The following ANKRD44 variants were observed in gnomAD, a reference collection of about 807,000 sequenced individuals.
ANKRD44 encodes serine/threonine-protein phosphatase 6 regulatory ankyrin repeat subunit B.
Under a neutral mutation model 116.0 loss-of-function variants are expected in ANKRD44, and 35 were observed. The ratio of observed to expected loss-of-function variants is 0.30; its 90% CI spans 0.23 to 0.40. ANKRD44 has a LOEUF of 0.40. Among genes scored for constraint, ANKRD44 ranks in the 10% least tolerant of loss-of-function variants. The probability of loss-of-function intolerance (pLI) is 1.00; values close to 1 mark genes in which losing one functional copy is unlikely to be tolerated. For synonymous variants in ANKRD44, 435 were observed against 461.8 expected (o/e 0.94, Z 0.74); for missense variants, 1,014 against 1,242.6 (o/e 0.82, Z 2.77).
intron 10 of ANKRD44, 171 bp downstream of exon 10, chr2:197,099,645 C>G: frequency 7.6e-7 from 1 of 1,311,338 alleles, no homozygotes; most frequent in East Asian, 2.9e-5. Flanking sequence ...TTCTTCTTTG[C>G]CTCTGTCATT....
chr2:197,076,647 C>T (rs958115197), intron 16 of ANKRD44, among the ~76,000 whole-genome samples: 7 of 151,814 alleles, frequency 4.6e-5, no homozygotes, highest in African/African-American at 7.3e-5. Context: ...TTATTTTCTC[C>T]CTCCTCCCAC....
At chr2:197,098,511 GTTA>G (rs1199405287) in intron 10 of ANKRD44, among the ~76,000 whole-genome samples, 1 of 152,124 alleles carries the variant, frequency 6.6e-6, no homozygotes, top group Non-Finnish European at 1.5e-5. Context: ...TAAAAATTTA[GTTA>G]TTGTTACAGA....
chr2:197,003,969 T>G (rs1180516747), intron 21 of ANKRD44, among the ~76,000 whole-genome samples: 1 of 152,032 alleles, frequency 6.6e-6, no homozygotes, highest in South Asian at 2.1e-4. Flanking sequence ...AGGTCTTAAA[T>G]TGATATAATT....
intron 1 of ANKRD44, among the ~76,000 whole-genome samples, chr2:197,265,717 C>T (rs2105752790): frequency 6.6e-6 from 1 of 152,152 alleles, no homozygotes; most frequent in African/African-American, 2.4e-5. Flanking sequence ...ATGAACAAAG[C>T]ATATTAAATG....
At chr2:197,032,275 G>A (rs2076721344) in intron 16 of ANKRD44, among the ~76,000 whole-genome samples, 1 of 152,120 alleles carries the variant, frequency 6.6e-6, no homozygotes, top group African/African-American at 2.4e-5. Context: ...TACCCTAGAA[G>A]CAGGAGGCAT....
chr2:196,998,540 TG>T, intron 24 of ANKRD44, 121 bp from the exon 25 acceptor site: 1 of 757,964 alleles, frequency 1.3e-6, no homozygotes, highest in Non-Finnish European at 2.2e-6. Flanking sequence ...TCATATTTAA[TG>T]TATTTAAAGA....
In ANKRD44 at chr2:197,080,625, A is replaced by G. The variant is rs958330160; in HGVS notation, c.1538+1020T>C. On this transcript the variant is annotated intron_variant, in intron 15 of 27. Transcript: ENST00000282272. ...GGGGTATTAAAGCAAAACTCTGGTC[A>G]TTCTATTTTATTCACTGCTGCATTT... is the stretch of plus-strand genomic sequence containing the variant. 7.9e-5 allele frequency among the ~76,000 whole-genome samples: 12 copies of G among 152,162 alleles called. 1 individual carries two copies. Among genetic ancestry groups the G allele is most frequent in the Non-Finnish European group, 1.3e-4 (9 of 68,032 alleles).
chr2:197,125,619 C>A, intron 5 of ANKRD44, 151 bp from the exon 6 acceptor site: 1 of 879,530 alleles, frequency 1.1e-6, no homozygotes, highest in South Asian at 1.5e-5. Flanking sequence ...GATGTCAGAG[C>A]AGGACATGTG....
Position 196,998,929 on chromosome 2 carries a change from C to A in ANKRD44, c.2643G>T (p.Glu881Asp). 4 of 1,614,210 alleles carry A rather than the reference C, an allele frequency of 2.5e-6. No individual in the cohort carries two copies. The highest frequency in any genetic ancestry group is 3.4e-6 in the Non-Finnish European group (4 of 1,180,014). The part of the protein sequence containing the change: ...SGKTALMMAA[E>D]NGQAGAVDIL... ...TACCCACAGCGCCTGCCTGCCCATT[C>A]TCAGCAGCCATCATCAGTGCTGTTT... is the stretch of plus-strand genomic sequence containing the variant. The change falls in exon 24 of 28, where the codon GAG becomes GAT. Residue 881 changes from glutamate (E) to aspartate (D), a missense_variant. Coordinates refer to ENST00000282272, the MANE Select transcript of ANKRD44 (RefSeq NM_001195144.2).
At chr2:197,068,387 T>TAAAAAAATAAAAAAAAAAAAAAAAAA (rs1553500777) in intron 16 of ANKRD44, among the ~76,000 whole-genome samples, 1 of 66,908 alleles carries the variant, frequency 1.5e-5, no homozygotes, top group Non-Finnish European at 3.7e-5. Flanking sequence ...AAGAAAAAAA[T>TAAAAAAATAAAAAAAAAAAAAAAAAA]AAAAAAAAAA....
At chr2:197,004,090 T>A (rs889853890) in intron 21 of ANKRD44, among the ~76,000 whole-genome samples, 1 of 152,052 alleles carries the variant, frequency 6.6e-6, no homozygotes, top group African/African-American at 2.4e-5. Flanking sequence ...AGAAGCAAAG[T>A]AAAAAATACA....
At chr2:196,999,138 G>T in intron 23 of ANKRD44, 86 bp from the exon 24 acceptor site, 2 of 1,488,386 alleles carry the variant, frequency 1.3e-6, no homozygotes, top group South Asian at 2.6e-5. Context: ...ACAAGGTGTT[G>T]TCTTAAGGAT....
Position 197,121,278 on chromosome 2 carries a change from T to C in ANKRD44, c.906+54A>G. On this transcript the variant is annotated intron_variant, in intron 8 of 27. Coordinates refer to ENST00000282272, the MANE Select transcript of ANKRD44 (RefSeq NM_001195144.2). ...CATAATTTGCAGCAGTTGATTTTGC[T>C]CAAACAGAAGCTCAATGCAAAGGCA... The C allele has an allele frequency of 1.9e-6, 3 of 1,544,588 alleles. No homozygotes were observed. In the South Asian group the frequency reaches 3.4e-5, roughly 17 times the overall value.
chr2:197,007,921 G>C lies in ANKRD44; in HGVS notation c.2015C>G (p.Thr672Arg). Reference protein sequence around the residue: ...AVDVKDAKGQTPLMLAVAYGH... With the variant: ...AVDVKDAKGQRPLMLAVAYGH... Reference sequence around the variant, plus strand: ...ATATGCTACTGCAAGCATCAGTGGTGTTCTAGGCAGAGAGATAAAGCAGGC... The same window carrying C: ...ATATGCTACTGCAAGCATCAGTGGTCTTCTAGGCAGAGAGATAAAGCAGGC... The change falls in exon 20 of 28, where the codon ACA becomes AGA. Residue 672 changes from threonine (T) to arginine (R), a missense_variant and splice_region_variant. Physicochemically the swap from Thr to Arg is moderately conservative, Grantham distance 71. Transcript: ENST00000282272. 1 of 1,608,152 alleles carries C rather than the reference G, an allele frequency of 6.2e-7. No homozygotes were observed. Among genetic ancestry groups the C allele is most frequent in the Middle Eastern group, 1.7e-4 (1 of 6,052 alleles).
intron 1 of ANKRD44, among the ~76,000 whole-genome samples, chr2:197,306,318 G>A (rs1430581342): frequency 5.9e-5 from 9 of 152,164 alleles, no homozygotes; most frequent in East Asian, 5.8e-4. Flanking sequence ...CTTACTGGGC[G>A]TATGACCCTA....
chr2:197,056,723 G>A (rs1178061032), intron 16 of ANKRD44, among the ~76,000 whole-genome samples: 1 of 151,990 alleles, frequency 6.6e-6, no homozygotes, highest in Non-Finnish European at 1.5e-5. Flanking sequence ...AGTTAAATTT[G>A]TTTTTCTTGC....
At chr2:197,215,250 TG>T (rs1386018747) in intron 1 of ANKRD44, among the ~76,000 whole-genome samples, 1 of 152,210 alleles carries the variant, frequency 6.6e-6, no homozygotes, top group Non-Finnish European at 1.5e-5. Flanking sequence ...GTTGAGATGA[TG>T]TATAAAATCT....
At chr2:197,193,466 T>C (rs1193326621) in intron 1 of ANKRD44, among the ~76,000 whole-genome samples, 1 of 152,226 alleles carries the variant, frequency 6.6e-6, no homozygotes, top group Admixed American at 6.5e-5. Context: ...TTTTTTTCCA[T>C]AGTAGAAAGA....
At chr2:197,246,259 T>C (rs2082188124) in intron 1 of ANKRD44, among the ~76,000 whole-genome samples, 1 of 148,314 alleles carries the variant, frequency 6.7e-6, no homozygotes. Flanking sequence ...GCAACATAGC[T>C]CACTGCAGCC....
Sources: gnomAD v4.1 joint callset for allele counts (sites outside exome capture counted in the v4.1 genomes callset) on GRCh38, gnomAD v4.1.1 for gene constraint, MANE v1.5 for transcripts, NCBI Gene and HGNC (gene_info 2026-07-23, HGNC 2026-07-21) for gene names.